ERP44: variants seen among roughly 807,000 people sequenced by gnomAD.
ERP44 encodes the protein endoplasmic reticulum resident protein 44.
In ERP44, 25 loss-of-function variants were observed where a neutral mutation model predicts 53.4. The ratio of observed to expected loss-of-function variants is 0.47; its 90% CI spans 0.34 to 0.65. The LOEUF (loss-of-function observed/expected upper bound fraction) is 0.65, where lower values mean the gene tolerates loss of function less well. ERP44 is among the 30% of genes least tolerant of loss of function. ERP44 has a pLI of 0.01. For missense variants in ERP44, 338 were observed against 493.2 expected (o/e 0.69, Z 2.98); for synonymous variants, 145 against 161.2 (o/e 0.90, Z 0.76).
chr9:100,089,916 T>A (rs1360618264), intron 1 of ERP44, among the ~76,000 whole-genome samples: 1 of 152,188 alleles, frequency 6.6e-6, no homozygotes, highest in African/African-American at 2.4e-5. Flanking sequence ...CTCCTGTGGA[T>A]AAGAGGGGAC....
chr9:100,068,017 C>G (rs1445247304), intron 1 of ERP44, among the ~76,000 whole-genome samples: 5 of 149,624 alleles, frequency 3.3e-5, no homozygotes, highest in South Asian at 2.2e-4. Context: ...CCGCCCCGTC[C>G]GGGAGGGAGG....
intron 4 of ERP44, among the ~76,000 whole-genome samples, chr9:100,050,212 G>A (rs1053192982): frequency 6.6e-6 from 1 of 152,056 alleles, no homozygotes; most frequent in Non-Finnish European, 1.5e-5. Context: ...GGAAAATTTT[G>A]GAGGATGACA....
chr9:100,077,371 C>A (rs776921545), intron 1 of ERP44, among the ~76,000 whole-genome samples: 7 of 152,210 alleles, frequency 4.6e-5, no homozygotes, highest in Admixed American at 4.6e-4. Context: ...ACGATGGAAT[C>A]GCCTTTTGAA....
chr9:100,008,563 C>G (rs1830441687), intron 8 of ERP44, among the ~76,000 whole-genome samples: 1 of 152,152 alleles, frequency 6.6e-6, no homozygotes, highest in Admixed American at 6.6e-5. Context: ...CTCCATAAAT[C>G]TAGGAACTAC....
In ERP44 at chr9:100,005,981, T is replaced by G. The variant is rs372113537; in HGVS notation, c.1016+525A>C. Among the ~76,000 whole-genome samples the G allele has an allele frequency of 2.4e-4, 36 of 152,320 alleles. No individual in the cohort carries two copies. The South Asian group carries it at 7.2e-3, about 31-fold the overall frequency. ...TGTACATATATTAATACTATAAATA[T>G]CTGAGAATTGAGTCAGAAAGCTTAC... is the stretch of plus-strand genomic sequence containing the variant. On this transcript the variant is annotated intron_variant, in intron 10 of 11. Coordinates refer to ENST00000262455, the MANE Select transcript of ERP44 (RefSeq NM_015051.3).
rs1389001872 is a variant in ERP44 at position 99,979,833 on chromosome 9, T to C, written c.*2779A>G. 3 of 397,062 alleles carry C rather than the reference T, an allele frequency of 7.6e-6. No individual in the cohort carries two copies. In the East Asian group the frequency reaches 1.1e-4, roughly 14 times the overall value. The allele number at this position is 397,062 out of a possible 1,614,324, so 24.6% of individuals were successfully genotyped here. ...AACAAGTCTAAATTTGAGACGTGCT[T>C]CCACACTATTCTTTCTCAAACTTTA... On this transcript the variant is annotated 3_prime_UTR_variant, in exon 12 of 12. Coordinates refer to ENST00000262455, the MANE Select transcript of ERP44 (RefSeq NM_015051.3).
In ERP44 at chr9:100,098,974, C is replaced by G. The variant is rs73656934; in HGVS notation, c.-134G>C. On this transcript the variant is annotated 5_prime_UTR_variant, in exon 1 of 12. Transcript: ENST00000262455. Reference sequence around the variant, plus strand: ...TCTCCAGGCAGCGGCACCTCGTCCTCTCGACCCGGGCTCCAGCGGCGAACA... The same window carrying G: ...TCTCCAGGCAGCGGCACCTCGTCCTGTCGACCCGGGCTCCAGCGGCGAACA... 2,712 of 681,136 alleles carry G rather than the reference C, an allele frequency of 4.0e-3. 53 individuals carry two copies. The African/African-American group carries it at 0.045, about 11-fold the overall frequency. 42.2% of individuals were successfully genotyped at this position (681,136 alleles called of 1,614,324 possible).
chr9:100,041,195 A>T lies in ERP44; in HGVS notation c.286+11222T>A, dbSNP rs989560011. 4.6e-5 allele frequency among the ~76,000 whole-genome samples: 7 copies of T among 152,328 alleles called. 1 individual carries two copies. The South Asian group carries it at 1.2e-3, about 27-fold the overall frequency. ...CAAAAGACGCAGAATAGCCAAAGTTATCTTAAGCAAAAAGAACAAAACTGG... is the reference window on the plus strand; with the variant it reads ...CAAAAGACGCAGAATAGCCAAAGTTTTCTTAAGCAAAAAGAACAAAACTGG... On this transcript the variant is annotated intron_variant, in intron 4 of 11. Transcript: ENST00000262455.
intron 10 of ERP44, among the ~76,000 whole-genome samples, chr9:100,004,840 T>C (rs145829682): frequency 7.2e-5 from 11 of 152,308 alleles, no homozygotes; most frequent in African/African-American, 1.9e-4. Context: ...GGAAAGTCCT[T>C]TTCTGTCATC....
At chr9:99,988,758 G>A (rs1830221911) in intron 10 of ERP44, among the ~76,000 whole-genome samples, 1 of 152,184 alleles carries the variant, frequency 6.6e-6, no homozygotes, top group South Asian at 2.1e-4. Flanking sequence ...CAAGGGATTG[G>A]GGGATTTACC....
intron 4 of ERP44, among the ~76,000 whole-genome samples, chr9:100,025,663 A>G (rs1190254699): frequency 6.6e-6 from 1 of 152,226 alleles, no homozygotes; most frequent in African/African-American, 2.4e-5. Context: ...GATATACTAA[A>G]AGCTGATATA....
In ERP44 at chr9:100,068,444, T is replaced by TG. The variant is rs1178579258; in HGVS notation, c.58-8273dup. The stretch of plus-strand genomic sequence containing the variant: ...GCCGCCCCGTCCGGGAGGTGAGAGG[T>TG]GCCTCTGCCCGGCCGCCCCTACTGG... On this transcript the variant is annotated intron_variant, in intron 1 of 11. Coordinates refer to ENST00000262455, the MANE Select transcript of ERP44 (RefSeq NM_015051.3). Among the ~76,000 whole-genome samples, 172 of 87,948 alleles carry TG rather than the reference T, an allele frequency of 2.0e-3. 1 individual carries two copies. Among genetic ancestry groups the TG allele is most frequent in the Non-Finnish European group, 3.1e-3 (140 of 45,092 alleles). The allele number at this position is 87,948 out of a possible 152,430, so 57.7% of individuals were successfully genotyped here.
At chr9:99,984,354 A>G (rs1035932090) in intron 11 of ERP44, among the ~76,000 whole-genome samples, 1 of 152,158 alleles carries the variant, frequency 6.6e-6, no homozygotes, top group Non-Finnish European at 1.5e-5. Flanking sequence ...TTAGTACAGT[A>G]GGAACATAGA....
chr9:100,016,206 T>G, intron 8 of ERP44, 116 bp downstream of exon 8: 1 of 1,405,208 alleles, frequency 7.1e-7, no homozygotes, highest in Non-Finnish European at 9.4e-7. Context: ...TATAGTTATG[T>G]TCACTATATG....
In ERP44 at chr9:100,056,919, G is replaced by A. The variant is rs147601760; in HGVS notation, c.170+901C>T. Among the ~76,000 whole-genome samples, 427 of 152,218 alleles carry A rather than the reference G, an allele frequency of 2.8e-3. 3 individuals are homozygous for A. Among genetic ancestry groups the A allele is most frequent in the African/African-American group, 9.7e-3 (402 of 41,562 alleles). On this transcript the variant is annotated intron_variant, in intron 3 of 11. Coordinates refer to ENST00000262455, the MANE Select transcript of ERP44 (RefSeq NM_015051.3). ...TTTAAACTTTAACCCAAAGGTAATG[G>A]AAACATTTTAAGGGCTTTAAGAAGG...
chr9:100,089,510 G>A (rs1826524568), intron 1 of ERP44, among the ~76,000 whole-genome samples: 2 of 150,770 alleles, frequency 1.3e-5, no homozygotes, highest in African/African-American at 4.9e-5. Flanking sequence ...GAACCCAGGA[G>A]GCAGAGGTTG....
chr9:100,046,606 GAAGAA>G (rs1216605728), intron 4 of ERP44, among the ~76,000 whole-genome samples: 1 of 152,094 alleles, frequency 6.6e-6, no homozygotes, highest in African/African-American at 2.4e-5. Flanking sequence ...AGCATTGCTG[GAAGAA>G]ACTGAAAATG....
At position 100,042,288 on chromosome 9, in the gene ERP44, G is replaced by T. The variant is rs1299449229; in HGVS notation, c.286+10129C>A. ...TTTCTCAAATGAAAACATACAAATG[G>T]GAAACAGGTATATAAAAACGTGCAC... On this transcript the variant is annotated intron_variant, in intron 4 of 11. Coordinates refer to ENST00000262455, the MANE Select transcript of ERP44 (RefSeq NM_015051.3). Among the ~76,000 whole-genome samples, 3 of 152,026 alleles carry T rather than the reference G, an allele frequency of 2.0e-5. No individual in the cohort carries two copies. The South Asian group carries it at 6.2e-4, about 32-fold the overall frequency.
rs58110423 is a variant in ERP44, at chr9:100,079,413, T to TACACACAC, written c.58-19249_58-19242dup. 5.3e-3 allele frequency among the ~76,000 whole-genome samples: 726 copies of TACACACAC among 137,346 alleles called. 8 individuals are homozygous for TACACACAC. Among genetic ancestry groups the TACACACAC allele is most frequent in the Middle Eastern group, 0.011 (3 of 268 alleles). The allele number at this position is 137,346 out of a possible 152,430, so 90.1% of individuals were successfully genotyped here. ...TAATGCTCCTTAATAAACTCCCCTT[T>TACACACAC]ACACACACACACACACACACACACA... On this transcript the variant is annotated intron_variant, in intron 1 of 11. Transcript: ENST00000262455.
Sources: gnomAD v4.1 joint callset for allele counts (sites outside exome capture counted in the v4.1 genomes callset) on GRCh38, gnomAD v4.1.1 for gene constraint, MANE v1.5 for transcripts, NCBI Gene and HGNC (gene_info 2026-07-23, HGNC 2026-07-21) for gene names.